The following ABCA3 variants were observed in gnomAD, a reference collection of about 807,000 sequenced individuals.
ABCA3 encodes the protein ATP binding cassette subfamily A member 3, also known as phospholipid-transporting ATPase ABCA3.
ABCA3 carries 88 observed loss-of-function variants against 172.8 expected under a neutral mutation model. The ratio of observed to expected loss-of-function variants is 0.51; its 90% CI spans 0.43 to 0.61. ABCA3 has a LOEUF of 0.61. Ranked by LOEUF, ABCA3 falls within the 20% of genes least tolerant of loss-of-function variation. The pLI, the probability that ABCA3 is intolerant of heterozygous loss-of-function variation, is 0.00. For missense variants in ABCA3, 2,164 were observed against 2,301.0 expected, an observed-to-expected ratio of 0.94 and a Z score of 1.22; for synonymous variants, 1,066 against 983.8, an observed-to-expected ratio of 1.08 and a Z score of -1.56.
chr16:2,276,692 G>A lies in ABCA3; in HGVS notation c.5097C>T (p.Thr1699=), dbSNP rs201641851. The A allele has an allele frequency of 9.4e-5, 151 of 1,613,536 alleles. No homozygotes were observed. In the Middle Eastern group the frequency reaches 1.3e-3, roughly 14 times the overall value. Reference sequence around the variant, plus strand: ...CCACCCCTCATCGCCCCTCCTCTGCGGTGGGCGGCTGCAGGTGGGCGAAGC... The same window carrying A: ...CCACCCCTCATCGCCCCTCCTCTGCAGTGGGCGGCTGCAGGTGGGCGAAGC... The part of the protein sequence containing the change: ...FLSFAHLQPP[T]AEEGR The change falls in exon 33 of 33, where the codon ACC becomes ACT. Residue 1699 remains threonine (T), a synonymous_variant. Transcript: ENST00000301732.
In ABCA3 at chr16:2,297,848, T is replaced by C; in HGVS notation, c.1970A>G (p.Lys657Arg). 20 of 1,613,796 alleles carry C rather than the reference T, an allele frequency of 1.2e-5. No individual in the cohort carries two copies. The highest frequency in any genetic ancestry group is 1.6e-5 in the Non-Finnish European group (19 of 1,180,034). Residue 657 changes from lysine to arginine, a missense_variant, in exon 16 of 33, where the codon AAG (lysine) becomes AGG (arginine). Physicochemically the swap from Lys to Arg is conservative, Grantham distance 26 (BLOSUM62 2). Around this residue, in one of 3 missense-constraint regions of ABCA3, gnomAD observed 1,343 missense variants for 1,369.6 expected, o/e 0.98. Coordinates refer to ENST00000301732, the MANE Select transcript of ABCA3 (RefSeq NM_001089.3). The surrounding 1 kb of genome is among the most constrained non-coding windows in gnomAD (Gnocchi z 5.6). ...CAGGAAGCGGCTCCGTGAGTTCCAC[T>C]TGTCCTCCAGGCCGATGATGTGCAG... ...QMLHIIGLED[K>R]WNSRSRFLSG...
At position 2,287,509 on chromosome 16, in the gene ABCA3, C is replaced by G. The variant is rs2093664906; in HGVS notation, c.3004+517G>C. Among the ~76,000 whole-genome samples the G allele has an allele frequency of 6.6e-6, 1 of 152,136 alleles. No individual in the cohort carries two copies. The highest frequency in any genetic ancestry group is 1.5e-5 in the Non-Finnish European group (1 of 68,028). On this transcript the variant is annotated intron_variant, in intron 21 of 32. Coordinates refer to ENST00000301732, the MANE Select transcript of ABCA3 (RefSeq NM_001089.3). The surrounding 1 kb of genome is among the most constrained non-coding windows in gnomAD (Gnocchi z 4.1). Reference sequence around the variant, plus strand: ...ACCAGGCTGGTCTCGAACTCCTGACCTCAAGTGATCCACCTGCCTCGGCCT... The same window carrying G: ...ACCAGGCTGGTCTCGAACTCCTGACGTCAAGTGATCCACCTGCCTCGGCCT...
Position 2,278,415 on chromosome 16 carries a change from C to G in ABCA3, c.4591G>C (p.Gly1531Arg). The change falls in exon 30 of 33, where the codon GGA becomes CGA. Residue 1531 changes from glycine to arginine, a missense_variant. Around this residue, in one of 3 missense-constraint regions of ABCA3, gnomAD observed 795 missense variants for 881.9 expected, o/e 0.90. Transcript: ENST00000301732. The surrounding 1 kb of genome is among the most constrained non-coding windows in gnomAD (Gnocchi z 4.4). ...TCCAGGAAGATGACAGCAGGCTCTCCGATCAGGGCGATGCCGGTGCTCAGC... is the reference window on the plus strand; with the variant it reads ...TCCAGGAAGATGACAGCAGGCTCTCGGATCAGGGCGATGCCGGTGCTCAGC... Reference protein sequence around the residue: ...RKLSTGIALIGEPAVIFLDEP... With the variant: ...RKLSTGIALIREPAVIFLDEP... 1 of 1,612,872 alleles carries G rather than the reference C, an allele frequency of 6.2e-7. No individual in the cohort carries two copies. The highest frequency in any genetic ancestry group is 8.5e-7 in the Non-Finnish European group (1 of 1,180,024).
chr16:2,300,995 CCGAGGCGGGCGGATCA>C (rs2093688120), intron 12 of ABCA3, among the ~76,000 whole-genome samples: 1 of 149,996 alleles, frequency 6.7e-6, no homozygotes, highest in South Asian at 2.1e-4. Context: ...CTTTGGGAGG[CCGAGGCGGGCGGATCA>C]TGAGGTCAGG....
At position 2,297,757 on chromosome 16, in the gene ABCA3, C is replaced by A; in HGVS notation, c.2052+9G>T. Reference sequence around the variant, plus strand: ...GGGGAACCCACTGCCTCCAGTCCCACCGCCACACCTTGGAGCCTGCGATGA... The same window carrying A: ...GGGGAACCCACTGCCTCCAGTCCCAACGCCACACCTTGGAGCCTGCGATGA... On this transcript the variant is annotated intron_variant, in intron 16 of 32. Transcript: ENST00000301732. The surrounding 1 kb of genome is among the most constrained non-coding windows in gnomAD (Gnocchi z 5.6). 6.2e-7 allele frequency: 1 copy of A among 1,610,190 alleles called. No homozygotes were observed. Among genetic ancestry groups the A allele is most frequent in the Non-Finnish European group, 8.5e-7 (1 of 1,180,016 alleles).
chr16:2,281,563 C>T lies in ABCA3; in HGVS notation c.4036-54G>A. ...GTGAACCCAGCCGCAGGGCGGCTTCCGTGGAGAAGGGAGGGGCGGGGGTGG... is the reference window on the plus strand; with the variant it reads ...GTGAACCCAGCCGCAGGGCGGCTTCTGTGGAGAAGGGAGGGGCGGGGGTGG... On this transcript the variant is annotated intron_variant, in intron 26 of 32. Coordinates refer to ENST00000301732, the MANE Select transcript of ABCA3 (RefSeq NM_001089.3). The surrounding 1 kb of genome is among the most constrained non-coding windows in gnomAD (Gnocchi z 4.7). The T allele has an allele frequency of 1.6e-5, 7 of 445,632 alleles. No homozygotes were observed. The highest frequency in any genetic ancestry group is 4.0e-4 in the Middle Eastern group (1 of 2,474). The allele number at this position is 445,632 out of a possible 1,614,324, so 27.6% of individuals were successfully genotyped here. A position where few individuals can be genotyped will look rare whatever the true frequency, so the allele number is the denominator to read the frequency against.
chr16:2,319,540 C>A, intron 8 of ABCA3, 41 bp downstream of exon 8: 2 of 1,602,738 alleles, frequency 1.2e-6, no homozygotes, highest in South Asian at 1.1e-5. Flanking sequence ...CCCAGGACAG[C>A]GCGGTTTCTA....
intron 10 of ABCA3, among the ~76,000 whole-genome samples, chr16:2,314,537 T>C (rs2093711762): frequency 6.7e-6 from 1 of 149,256 alleles, no homozygotes; most frequent in South Asian, 2.1e-4. Flanking sequence ...GACATGGGGG[T>C]GGGTGCACAA....
intron 5 of ABCA3, among the ~76,000 whole-genome samples, chr16:2,324,746 C>T (rs918231373): frequency 2.0e-5 from 3 of 152,180 alleles, no homozygotes; most frequent in East Asian, 1.9e-4. Flanking sequence ...GCAGTGAGTT[C>T]TCCTGGTGCG....
At chr16:2,304,534 T>C (rs1353667710) in intron 11 of ABCA3, among the ~76,000 whole-genome samples, 2 of 127,260 alleles carry the variant, frequency 1.6e-5, no homozygotes, top group African/African-American at 6.1e-5. Context: ...TGAGATGGAG[T>C]CTTGCTCTGT....
Position 2,286,722 on chromosome 16 carries a change from G to A in ABCA3, c.3250C>T (p.Leu1084=). The A allele has an allele frequency of 6.2e-7, 1 of 1,613,792 alleles. No individual in the cohort carries two copies. Among genetic ancestry groups the A allele is most frequent in the Non-Finnish European group, 8.5e-7 (1 of 1,179,922 alleles). Residue 1084 remains leucine (L), a synonymous_variant, in exon 22 of 33, where the codon CTG becomes TTG. Coordinates refer to ENST00000301732, the MANE Select transcript of ABCA3 (RefSeq NM_001089.3). This position sits in a 1 kb window ranked among gnomAD's most constrained non-coding sequence, Gnocchi z 5.2. ...TTAAACTGGTCCTTGGCAGCCTGCA[G>A]GGCGCTCCGGGGCTGGGGGAAGTTG... The part of the protein sequence containing the change: ...VSNFPQPRSA[L]QAAKDQFNEG...
chr16:2,303,895 G>T, intron 12 of ABCA3, 74 bp downstream of exon 12: 2 of 1,540,906 alleles, frequency 1.3e-6, no homozygotes, highest in South Asian at 1.1e-5. Flanking sequence ...ACTCAGAGGG[G>T]TCCCTGAGCA....
rs1283777938 is a variant in ABCA3 at position 2,278,261 on chromosome 16, C to G, written c.4718+27G>C. On this transcript the variant is annotated intron_variant, in intron 30 of 32. Transcript: ENST00000301732. The surrounding 1 kb of genome is among the most constrained non-coding windows in gnomAD (Gnocchi z 4.4). The stretch of plus-strand genomic sequence containing the variant: ...CATGGCCCACCCGGTGCTGAAACTT[C>G]CAGTAACCCACAGACCCAGGCTCTA... The G allele has an allele frequency of 6.9e-6, 11 of 1,604,694 alleles. No homozygotes were observed. Among genetic ancestry groups the G allele is most frequent in the Non-Finnish European group, 9.3e-6 (11 of 1,179,958 alleles).
chr16:2,289,357 T>C, intron 20 of ABCA3, 77 bp downstream of exon 20: 4 of 1,519,592 alleles, frequency 2.6e-6, no homozygotes, highest in Non-Finnish European at 3.5e-6. Context: ...CAGACTCTCC[T>C]CTGCATGGGC....
rs1351816780 is a variant in ABCA3 at position 2,284,721 on chromosome 16, T to C, written c.3703+58A>G. On this transcript the variant is annotated intron_variant, in intron 24 of 32. Transcript: ENST00000301732. The surrounding 1 kb of genome is among the most constrained non-coding windows in gnomAD (Gnocchi z 5.9). ...CGGCTGTGGCTGGTGCCTCCCTGTC[T>C]GGGCGGAGTGGCTCCGTGGATGGCC... The C allele has an allele frequency of 1.3e-6, 2 of 1,553,734 alleles. No homozygotes were observed. The highest frequency in any genetic ancestry group is 1.7e-6 in the Non-Finnish European group (2 of 1,143,032).
chr16:2,301,639 G>A (rs2093689618), intron 12 of ABCA3, among the ~76,000 whole-genome samples: 1 of 152,000 alleles, frequency 6.6e-6, no homozygotes, highest in African/African-American at 2.4e-5. Context: ...GAACCTGGGA[G>A]GTGAAGGGTG....
chr16:2,305,409 G>A (rs1252109441), intron 11 of ABCA3, among the ~76,000 whole-genome samples: 1 of 152,216 alleles, frequency 6.6e-6, no homozygotes, highest in Non-Finnish European at 1.5e-5. Flanking sequence ...CGGTTCTCCT[G>A]CCTCAGCCTC....
rs1035054673 is a variant in ABCA3 at position 2,286,622 on chromosome 16, C to T, written c.3278+72G>A. The T allele has an allele frequency of 3.1e-5, 49 of 1,590,742 alleles. No homozygotes were observed. The highest frequency in any genetic ancestry group is 2.2e-4 in the Middle Eastern group (1 of 4,466). ...CAGACACAATGCTCTATCTATGGGCCCGTGGCAGTGCCCAGGGCAGTCAGT... is the reference window on the plus strand; with the variant it reads ...CAGACACAATGCTCTATCTATGGGCTCGTGGCAGTGCCCAGGGCAGTCAGT... On this transcript the variant is annotated intron_variant, in intron 22 of 32. Transcript: ENST00000301732. This position sits in a 1 kb window ranked among gnomAD's most constrained non-coding sequence, Gnocchi z 5.2.
Position 2,326,504 on chromosome 16 carries a change from C to G in ABCA3, c.-26-12G>C. 1 of 1,592,958 alleles carries G rather than the reference C, an allele frequency of 6.3e-7. No individual in the cohort carries two copies. Among genetic ancestry groups the G allele is most frequent in the Non-Finnish European group, 8.6e-7 (1 of 1,168,912 alleles). On this transcript the variant is annotated splice_polypyrimidine_tract_variant and intron_variant, in intron 3 of 32. Coordinates refer to ENST00000301732, the MANE Select transcript of ABCA3 (RefSeq NM_001089.3). Reference sequence around the variant, plus strand: ...AGGGACGCCCAGTGCTAGTTACAGACCAAAGACAGAGAGTGTGGGTGCGCA... The same window carrying G: ...AGGGACGCCCAGTGCTAGTTACAGAGCAAAGACAGAGAGTGTGGGTGCGCA...
Sources: gnomAD v4.1 joint callset for allele counts (sites outside exome capture counted in the v4.1 genomes callset) on GRCh38, gnomAD v4.1.1 for gene constraint, gnomAD v4.1.1 regional missense constraint, Gnocchi (gnomAD v3.1) non-coding constraint, MANE v1.5 for transcripts, NCBI Gene and HGNC (gene_info 2026-07-23, HGNC 2026-07-21) for gene names.